ZFP91: variants seen among roughly 807,000 people sequenced by gnomAD.
The protein encoded by ZFP91 is E3 ubiquitin-protein ligase ZFP91.
A neutral mutation model predicts 63.5 loss-of-function variants in ZFP91; 7 were observed. That is an observed-to-expected ratio of 0.11 (90% CI 0.06 to 0.21). The LOEUF is 0.21. Among genes scored for constraint, ZFP91 ranks in the 10% least tolerant of loss-of-function variants. The pLI, the probability that ZFP91 is intolerant of heterozygous loss-of-function variation, is 1.00. For synonymous variants in ZFP91, 330 were observed against 272.1 expected, an observed-to-expected ratio of 1.21 and a Z score of -2.10; for missense variants, 628 against 736.6, an observed-to-expected ratio of 0.85 and a Z score of 1.71.
intron 1 of ZFP91, 62 bp from the exon 2 acceptor site, chr11:58,584,792 GAT>G (rs1855176749): frequency 1.4e-6 from 2 of 1,395,498 alleles, no homozygotes; most frequent in Admixed American, 5.0e-5. Context: ...ACCTGAAAGA[GAT>G]ATTTATATTT....
intron 2 of ZFP91, among the ~76,000 whole-genome samples, chr11:58,608,754 A>G (rs1855608965): frequency 6.6e-6 from 1 of 152,016 alleles, no homozygotes; most frequent in Non-Finnish European, 1.5e-5. Context: ...GCAGTTAGGC[A>G]CCACGACGCC....
In ZFP91 at chr11:58,579,184, CAGGCTTCGGG is replaced by C; in HGVS notation, c.-93_-84del. The C allele has an allele frequency of 9.7e-7, 1 of 1,033,642 alleles. No individual in the cohort carries two copies. The highest frequency in any genetic ancestry group is 1.3e-6 in the Non-Finnish European group (1 of 789,528). 64.0% of individuals were successfully genotyped at this position (1,033,642 alleles called of 1,614,324 possible). On this transcript the variant is annotated 5_prime_UTR_variant, in exon 1 of 11. Transcript: ENST00000316059. ...AGGAGCGCAGGGTGAGAGTGAGCCG[CAGGCTTCGGG>C]AGGCGAGGGGGCGGGGGGAGCAGCG... is the stretch of plus-strand genomic sequence containing the variant.
In ZFP91 at chr11:58,616,711, C is replaced by T; in HGVS notation, c.1103-5C>T. ...AGAACACTAACCACAGTATTTTCTT[C>T]ATAGATCAAAGGGATTATATCTGTG... On this transcript the variant is annotated splice_polypyrimidine_tract_variant and splice_region_variant and intron_variant, in intron 9 of 10. Coordinates refer to ENST00000316059, the MANE Select transcript of ZFP91 (RefSeq NM_053023.5). 3 of 1,612,364 alleles carry T rather than the reference C, an allele frequency of 1.9e-6. No homozygotes were observed. The highest frequency in any genetic ancestry group is 1.3e-5 in the African/African-American group (1 of 74,958).
chr11:58,618,573 CT>C lies in ZFP91; in HGVS notation c.*868del. 2.5e-6 allele frequency: 1 copy of C among 403,362 alleles called. No homozygotes were observed. 25.0% of individuals were successfully genotyped at this position (403,362 alleles called of 1,614,324 possible). ...GATTCCTTATTTATTAACAGGAAGTCTGATTTTTTTTTTTTGGAGTCTTTGT... is the reference window on the plus strand; with the variant it reads ...GATTCCTTATTTATTAACAGGAAGTCGATTTTTTTTTTTTGGAGTCTTTGT... On this transcript the variant is annotated 3_prime_UTR_variant, in exon 11 of 11. Coordinates refer to ENST00000316059, the MANE Select transcript of ZFP91 (RefSeq NM_053023.5).
intron 2 of ZFP91, among the ~76,000 whole-genome samples, chr11:58,595,891 T>C (rs534408780): frequency 1.2e-4 from 18 of 152,224 alleles, no homozygotes; most frequent in African/African-American, 4.1e-4. Flanking sequence ...TAATCTCTTA[T>C]TGTCTCAACT....
At chr11:58,602,151 G>C (rs893985749) in intron 2 of ZFP91, among the ~76,000 whole-genome samples, 1 of 152,168 alleles carries the variant, frequency 6.6e-6, no homozygotes, top group Non-Finnish European at 1.5e-5. Context: ...TCAAACTCCT[G>C]ACCTCAGGTG....
chr11:58,596,261 G>A (rs1010821574), intron 2 of ZFP91, among the ~76,000 whole-genome samples: 1 of 152,190 alleles, frequency 6.6e-6, no homozygotes, highest in Non-Finnish European at 1.5e-5. Context: ...TAAGGAGGAG[G>A]AAGAAGAAGA....
chr11:58,611,653 GAGA>G lies in ZFP91; in HGVS notation c.778_780del (p.Lys260del). ...ATCAGGGAAGGTAAAAGAAGAGAAG[GAGA>G]AGAAGGAAATTAAAGTGGAAGTAGA... is the stretch of plus-strand genomic sequence containing the variant. On this transcript the variant is annotated inframe_deletion, in exon 6 of 11. Coordinates refer to ENST00000316059, the MANE Select transcript of ZFP91 (RefSeq NM_053023.5). The G allele has an allele frequency of 9.9e-6, 16 of 1,612,836 alleles. No individual in the cohort carries two copies. Among genetic ancestry groups the G allele is most frequent in the Non-Finnish European group, 1.4e-5 (16 of 1,179,316 alleles).
At chr11:58,611,845 A>G (rs1855670510) in intron 6 of ZFP91, 107 bp downstream of exon 6, 1 of 1,358,334 alleles carries the variant, frequency 7.4e-7, no homozygotes, top group Non-Finnish European at 9.7e-7. Flanking sequence ...GCTTCAAAAT[A>G]TGTATTTTTT....
At chr11:58,613,126 A>G (rs940617998) in intron 8 of ZFP91, among the ~76,000 whole-genome samples, 1 of 152,204 alleles carries the variant, frequency 6.6e-6, no homozygotes, top group Non-Finnish European at 1.5e-5. Context: ...TGGGTTAATC[A>G]TGATTAGTCC....
At chr11:58,606,706 A>C (rs1268751355) in intron 2 of ZFP91, among the ~76,000 whole-genome samples, 1 of 146,914 alleles carries the variant, frequency 6.8e-6, no homozygotes, top group Non-Finnish European at 1.5e-5. Flanking sequence ...TTTAGCTCCT[A>C]CTTTGGTCTC....
chr11:58,616,609 A>T, intron 9 of ZFP91, 107 bp from the exon 10 acceptor site: 1 of 780,496 alleles, frequency 1.3e-6, no homozygotes, highest in Non-Finnish European at 2.1e-6. Context: ...TGAAAACAGC[A>T]TTGCTTTTAC....
chr11:58,611,538 A>G lies in ZFP91; in HGVS notation c.723-66A>G, dbSNP rs1041723805. On this transcript the variant is annotated intron_variant, in intron 5 of 10. Transcript: ENST00000316059. ...AAATCAGTGATAACTCTAAGCTTTA[A>G]TTTGTTGTCATAGTCTTCCTTGAAA... The G allele has an allele frequency of 7.7e-6, 12 of 1,552,122 alleles. No individual in the cohort carries two copies. The African/African-American group carries it at 1.7e-4, about 21-fold the overall frequency.
At position 58,620,571 on chromosome 11, in the gene ZFP91, C is replaced by T. The variant is rs554477815; in HGVS notation, c.*2865C>T. 5.2e-5 allele frequency: 8 copies of T among 152,738 alleles called. No individual in the cohort carries two copies. Among genetic ancestry groups the T allele is most frequent in the African/African-American group, 1.9e-4 (8 of 41,570 alleles). 9.5% of individuals were successfully genotyped at this position (152,738 alleles called of 1,614,324 possible). ...ATATGCTTCAGAGAATTTAGGCAAA[C>T]ACTGGCCATGGCCGTGGGAGTACTG... is the stretch of plus-strand genomic sequence containing the variant. On this transcript the variant is annotated 3_prime_UTR_variant, in exon 11 of 11. Coordinates refer to ENST00000316059, the MANE Select transcript of ZFP91 (RefSeq NM_053023.5).
chr11:58,606,310 G>T (rs151217257), intron 2 of ZFP91, among the ~76,000 whole-genome samples: 5,692 of 152,152 alleles, frequency 0.037, 356 homozygotes, highest in African/African-American at 0.13. Flanking sequence ...CAGGTGATCC[G>T]CCCACCTTGG....
intron 2 of ZFP91, among the ~76,000 whole-genome samples, chr11:58,606,485 G>C (rs1272081311): frequency 1.3e-5 from 2 of 152,034 alleles, no homozygotes; most frequent in Non-Finnish European, 2.9e-5. Context: ...ATTGTCTTTA[G>C]TTCTTTAAAC....
At chr11:58,591,231 G>A (rs1381022269) in intron 2 of ZFP91, among the ~76,000 whole-genome samples, 3 of 152,152 alleles carry the variant, frequency 2.0e-5, no homozygotes, top group Non-Finnish European at 2.9e-5. Context: ...TAATACAGTA[G>A]GCACTCTTTT....
chr11:58,600,248 A>G (rs574957303), intron 2 of ZFP91, among the ~76,000 whole-genome samples: 1 of 151,750 alleles, frequency 6.6e-6, no homozygotes, highest in Non-Finnish European at 1.5e-5. Flanking sequence ...TTTGATAAGA[A>G]TTACAGTTAA....
At chr11:58,612,033 C>G (rs188008158) in intron 6 of ZFP91, 18 of 531,744 alleles carry the variant, frequency 3.4e-5, no homozygotes, top group Non-Finnish European at 4.9e-5. Context: ...CTAAGTCTTT[C>G]ATAGTATTGC....
Sources: allele counts gnomAD v4.1 joint callset (sites outside exome capture counted in the v4.1 genomes callset), GRCh38; gene constraint gnomAD v4.1.1; transcripts MANE v1.5; gene names NCBI Gene and HGNC (gene_info 2026-07-23, HGNC 2026-07-21).